Variants in FMN1 observed in about 807,000 individuals in gnomAD.
FMN1 encodes formin-1.
In FMN1, 110 loss-of-function variants were observed where a neutral mutation model predicts 132.4. The ratio of observed to expected loss-of-function variants is 0.83; its 90% CI spans 0.71 to 0.97. The LOEUF (loss-of-function observed/expected upper bound fraction) is 0.97, where lower values mean the gene tolerates loss of function less well. Among genes scored for constraint, FMN1 ranks in the 50% least tolerant of loss-of-function variants. The probability of loss-of-function intolerance (pLI) is 0.00; values close to 1 mark genes in which losing one functional copy is unlikely to be tolerated. For missense variants in FMN1, 1,792 were observed against 1,705.3 expected, an observed-to-expected ratio of 1.05 and a Z score of -0.90; for synonymous variants, 722 against 651.7, an observed-to-expected ratio of 1.11 and a Z score of -1.64.
chr15:32,953,882 T>C (rs142155929), intron 9 of FMN1, among the ~76,000 whole-genome samples: 92 of 152,340 alleles, frequency 6.0e-4, no homozygotes, highest in African/African-American at 2.1e-3. Flanking sequence ...ATGCCGCTCA[T>C]TGACTAGGTA....
At chr15:33,178,442 C>G (rs1965589233) in intron 3 of FMN1, among the ~76,000 whole-genome samples, 1 of 152,212 alleles carries the variant, frequency 6.6e-6, no homozygotes, top group Non-Finnish European at 1.5e-5. Flanking sequence ...ATATCCTGCT[C>G]TCGGTCTCAA....
At chr15:33,032,477 G>C (rs2035982951) in intron 6 of FMN1, among the ~76,000 whole-genome samples, 1 of 152,080 alleles carries the variant, frequency 6.6e-6, no homozygotes, top group African/African-American at 2.4e-5. Flanking sequence ...TTGTGTGTAT[G>C]CCCTTGTATT....
intron 6 of FMN1, among the ~76,000 whole-genome samples, chr15:33,035,755 T>G (rs559750993): frequency 1.3e-5 from 2 of 152,360 alleles, no homozygotes; most frequent in East Asian, 3.9e-4. Context: ...ATTTACTATG[T>G]GCTATGATTT....
Position 33,151,135 on chromosome 15 carries a change from A to G in FMN1, c.1867+1913T>C, listed in dbSNP as rs959955764. 2.8e-6 allele frequency: 4 copies of G among 1,429,280 alleles called. No individual in the cohort carries two copies. The African/African-American group carries it at 5.7e-5, about 20-fold the overall frequency. The allele number at this position is 1,429,280 out of a possible 1,614,324, so 88.5% of individuals were successfully genotyped here. A position where few individuals can be genotyped will look rare whatever the true frequency, so the allele number is the denominator to read the frequency against. ...GGGAACTAGACAGAGGATACAAATCAAAGGTACTATCTGGGGAACTCCCTC... is the reference window on the plus strand; with the variant it reads ...GGGAACTAGACAGAGGATACAAATCGAAGGTACTATCTGGGGAACTCCCTC... On this transcript the variant is annotated intron_variant, in intron 4 of 20. Coordinates refer to ENST00000616417, the MANE Select transcript of FMN1 (RefSeq NM_001277313.2).
Position 32,770,344 on chromosome 15 carries a change from G to C in FMN1, c.*3966C>G, listed in dbSNP as rs1013474171. 2.6e-5 allele frequency: 4 copies of C among 152,216 alleles called. No homozygotes were observed. Among genetic ancestry groups the C allele is most frequent in the Non-Finnish European group, 5.9e-5 (4 of 68,042 alleles). The allele number at this position is 152,216 out of a possible 1,614,324, so 9.4% of individuals were successfully genotyped here. ...CCAAGGGAGAAGCAGAAACAGAAATGAGGACATGTAACTTTCAAGAAAGGA... is the reference window on the plus strand; with the variant it reads ...CCAAGGGAGAAGCAGAAACAGAAATCAGGACATGTAACTTTCAAGAAAGGA... On this transcript the variant is annotated 3_prime_UTR_variant, in exon 21 of 21. Transcript: ENST00000616417.
chr15:33,124,180 A>C (rs1962831468), intron 4 of FMN1, among the ~76,000 whole-genome samples: 1 of 152,124 alleles, frequency 6.6e-6, no homozygotes, highest in Non-Finnish European at 1.5e-5. Flanking sequence ...GCAGAGTGCA[A>C]AGGGTGAGAC....
intron 3 of FMN1, among the ~76,000 whole-genome samples, chr15:33,163,203 A>G (rs922659423): frequency 2.0e-5 from 3 of 152,216 alleles, no homozygotes; most frequent in Non-Finnish European, 4.4e-5. Context: ...ATTATATTAC[A>G]AAGAGTAAGT....
intron 5 of FMN1, among the ~76,000 whole-genome samples, chr15:33,082,309 G>A (rs1412005770): frequency 1.3e-5 from 2 of 152,080 alleles, no homozygotes; most frequent in East Asian, 3.9e-4. Context: ...CCGACCTCAG[G>A]TGATCCACCT....
chr15:32,961,069 C>G (rs2030475851), intron 9 of FMN1, among the ~76,000 whole-genome samples: 2 of 149,420 alleles, frequency 1.3e-5, no homozygotes, highest in East Asian at 3.9e-4. Flanking sequence ...AAAACACTGC[C>G]TCAAACCTGC....
At chr15:32,783,860 A>G (rs1217035492) in intron 19 of FMN1, among the ~76,000 whole-genome samples, 2 of 149,990 alleles carry the variant, frequency 1.3e-5, no homozygotes, top group African/African-American at 2.5e-5. Context: ...GGGAAAGCCT[A>G]TGGGCATACT....
At chr15:32,829,219 A>G (rs2058443290) in intron 17 of FMN1, among the ~76,000 whole-genome samples, 1 of 152,228 alleles carries the variant, frequency 6.6e-6, no homozygotes, top group African/African-American at 2.4e-5. Flanking sequence ...CAATAACAAA[A>G]ATTTGCCATG....
intron 5 of FMN1, among the ~76,000 whole-genome samples, chr15:33,074,181 T>C (rs2038108413): frequency 6.6e-6 from 1 of 152,252 alleles, no homozygotes; most frequent in African/African-American, 2.4e-5. Context: ...CCTGCTGCTA[T>C]GCTGTGGGAT....
intron 5 of FMN1, among the ~76,000 whole-genome samples, chr15:33,081,759 A>G (rs2038469371): frequency 6.6e-6 from 1 of 152,196 alleles, no homozygotes; most frequent in Non-Finnish European, 1.5e-5. Flanking sequence ...TACAGTATGT[A>G]TACTAACACC....
intron 10 of FMN1, among the ~76,000 whole-genome samples, chr15:32,919,496 A>AG (rs2060768368): frequency 6.6e-6 from 1 of 152,238 alleles, no homozygotes; most frequent in African/African-American, 2.4e-5. Context: ...TTGAGATATC[A>AG]GGCTCATAAG....
chr15:33,087,394 A>C (rs1421705762), intron 5 of FMN1, among the ~76,000 whole-genome samples: 1 of 152,120 alleles, frequency 6.6e-6, no homozygotes, highest in African/African-American at 2.4e-5. Flanking sequence ...AAAAATACAA[A>C]AATTAGCTGG....
chr15:33,114,789 G>A (rs1193235509), intron 4 of FMN1, among the ~76,000 whole-genome samples: 3 of 152,160 alleles, frequency 2.0e-5, no homozygotes, highest in East Asian at 3.8e-4. Context: ...ATCATTAAAG[G>A]AATAGAAATA....
intron 4 of FMN1, among the ~76,000 whole-genome samples, chr15:33,107,398 A>G (rs2039527733): frequency 6.6e-6 from 1 of 152,064 alleles, no homozygotes; most frequent in African/African-American, 2.4e-5. Flanking sequence ...AAAATCCTCC[A>G]GTGGCTTCCC....
At chr15:32,876,135 T>C (rs1253593915) in intron 16 of FMN1, among the ~76,000 whole-genome samples, 3 of 152,238 alleles carry the variant, frequency 2.0e-5, no homozygotes, top group Non-Finnish European at 4.4e-5. Flanking sequence ...CCAGTCCTCA[T>C]ACTTGATTCA....
chr15:32,936,073 AT>A (rs1443430940), intron 9 of FMN1, among the ~76,000 whole-genome samples: 2 of 152,066 alleles, frequency 1.3e-5, no homozygotes, highest in Non-Finnish European at 2.9e-5. Context: ...TTTAGCCCCA[AT>A]ATTTGTTTGG....
Sources: gnomAD v4.1 joint callset for allele counts (sites outside exome capture counted in the v4.1 genomes callset) on GRCh38, gnomAD v4.1.1 for gene constraint, MANE v1.5 for transcripts, NCBI Gene and HGNC (gene_info 2026-07-23, HGNC 2026-07-21) for gene names.